Variants in CFAP210 observed in about 807,000 individuals in gnomAD.
CFAP210 encodes cilia and flagella associated protein 210, also known as cilia- and flagella- associated protein 210.
chr2:169,654,035 T>C, the CFAP210 span: 1 of 1,534,876 alleles, frequency 6.5e-7, no homozygotes, highest in East Asian at 2.3e-5. Context: ...ATCATAATAA[T>C]TTCAGATAGT....
At chr2:169,670,789 T>A in the CFAP210 span, among the ~76,000 whole-genome samples, 3 of 152,202 alleles carry the variant, frequency 2.0e-5, no homozygotes, top group African/African-American at 7.2e-5. Flanking sequence ...TTGCCTTTAG[T>A]ATCCTAAGCT....
At chr2:169,665,695 T>C in the CFAP210 span, among the ~76,000 whole-genome samples, 1 of 152,196 alleles carries the variant, frequency 6.6e-6, no homozygotes. Flanking sequence ...TATAGGATAG[T>C]GTTTATGCTG....
At chr2:169,685,816 A>C in the CFAP210 span, among the ~76,000 whole-genome samples, 1 of 152,070 alleles carries the variant, frequency 6.6e-6, no homozygotes, top group South Asian at 2.1e-4. Flanking sequence ...TGGGAGTCAA[A>C]ATTCATTATT....
the CFAP210 span, among the ~76,000 whole-genome samples, chr2:169,684,921 G>T: frequency 6.6e-6 from 1 of 152,188 alleles, no homozygotes; most frequent in Admixed American, 6.5e-5. Context: ...CTCCCAAAGT[G>T]CTGAGATTAC....
the CFAP210 span, among the ~76,000 whole-genome samples, chr2:169,688,353 T>C: frequency 6.6e-6 from 1 of 152,272 alleles, no homozygotes; most frequent in Admixed American, 6.5e-5. Flanking sequence ...TTTTATGCTC[T>C]GTTTCCCTTT....
the CFAP210 span, among the ~76,000 whole-genome samples, chr2:169,670,740 A>G: frequency 6.6e-6 from 1 of 152,200 alleles, no homozygotes; most frequent in Non-Finnish European, 1.5e-5. Flanking sequence ...TAGGTTCCCC[A>G]ATGAGCAATC....
At chr2:169,687,698 C>T in the CFAP210 span, among the ~76,000 whole-genome samples, 1 of 152,180 alleles carries the variant, frequency 6.6e-6, no homozygotes, top group East Asian at 1.9e-4. Flanking sequence ...TTTCCAGGCG[C>T]ATGGTGCAAG....
chr2:169,679,851 G>A, the CFAP210 span, among the ~76,000 whole-genome samples: 1 of 152,062 alleles, frequency 6.6e-6, no homozygotes, highest in Non-Finnish European at 1.5e-5. Context: ...TGTGACATTA[G>A]ATTAGGTAAA....
chr2:169,692,418 G>A, the CFAP210 span, among the ~76,000 whole-genome samples: 1 of 149,246 alleles, frequency 6.7e-6, no homozygotes. Flanking sequence ...CATGGCAAAA[G>A]GGCAAAGAGA....
the CFAP210 span, chr2:169,658,795 G>A: frequency 6.9e-6 from 2 of 288,198 alleles, no homozygotes; most frequent in Non-Finnish European, 1.4e-5. Flanking sequence ...AGAGCATTTA[G>A]AAGATATTTT....
the CFAP210 span, among the ~76,000 whole-genome samples, chr2:169,692,268 A>G: frequency 6.6e-6 from 1 of 152,116 alleles, no homozygotes; most frequent in African/African-American, 2.4e-5. Context: ...TGCTGTTATA[A>G]CAGAATACCT....
the CFAP210 span, chr2:169,650,658 T>C: frequency 3.7e-6 from 4 of 1,074,622 alleles, no homozygotes; most frequent in Non-Finnish European, 4.9e-6. Flanking sequence ...CTTACATATA[T>C]TATTTTAAGT....
At chr2:169,666,972 C>G in the CFAP210 span, among the ~76,000 whole-genome samples, 1 of 152,058 alleles carries the variant, frequency 6.6e-6, no homozygotes, top group Non-Finnish European at 1.5e-5. Context: ...TCTTCAGGCT[C>G]CACTTCTAAT....
At chr2:169,669,926 C>T in the CFAP210 span, among the ~76,000 whole-genome samples, 1 of 152,138 alleles carries the variant, frequency 6.6e-6, no homozygotes. Context: ...ATGGTCTAGA[C>T]TAGAGTTATC....
At chr2:169,673,573 T>A in the CFAP210 span, among the ~76,000 whole-genome samples, 1 of 152,212 alleles carries the variant, frequency 6.6e-6, no homozygotes, top group Non-Finnish European at 1.5e-5. Context: ...TTAGACATAA[T>A]GTGATTTTGA....
the CFAP210 span, chr2:169,645,944 T>C: frequency 9.9e-6 from 16 of 1,613,860 alleles, no homozygotes; most frequent in South Asian, 2.2e-5. Context: ...ATTTGCCTGA[T>C]AGCTGGGTCT....
At chr2:169,676,112 A>T in the CFAP210 span, among the ~76,000 whole-genome samples, 1 of 152,172 alleles carries the variant, frequency 6.6e-6, no homozygotes, top group Non-Finnish European at 1.5e-5. Flanking sequence ...TCCCAGTATC[A>T]GTTGTTGAAT....
the CFAP210 span, among the ~76,000 whole-genome samples, chr2:169,652,840 C>CAA: frequency 7.2e-6 from 1 of 139,626 alleles, no homozygotes; most frequent in Non-Finnish European, 1.6e-5. Context: ...CTAAAAATTA[C>CAA]AAAAAAAAAA....
the CFAP210 span, among the ~76,000 whole-genome samples, chr2:169,688,045 C>A: frequency 1.3e-5 from 2 of 152,226 alleles, no homozygotes; most frequent in Non-Finnish European, 2.9e-5. Context: ...ACATTGGCCC[C>A]TTTCAGCCAT....
Sources: allele counts gnomAD v4.1 joint callset (sites outside exome capture counted in the v4.1 genomes callset), GRCh38; gene constraint gnomAD v4.1.1; transcripts MANE v1.5; gene names NCBI Gene and HGNC (gene_info 2026-07-23, HGNC 2026-07-21).